The following SLC35F4 variants were observed in gnomAD, a reference collection of about 807,000 sequenced individuals.
SLC35F4 encodes the protein chromosome 14 open reading frame 36.
In SLC35F4, 24 loss-of-function variants were observed where a neutral mutation model predicts 44.2. The ratio of observed to expected loss-of-function variants is 0.54; its 90% confidence interval spans 0.39 to 0.76. The LOEUF is 0.76. SLC35F4 is among the 30% of genes least tolerant of loss of function. The pLI is 0.00. For missense variants in SLC35F4, 562 were observed against 586.1 expected (o/e 0.96, Z 0.42); for synonymous variants, 238 against 223.6 (o/e 1.06, Z -0.57).
chr14:57,776,195 G>C (rs555157304), intron 1 of SLC35F4, among the ~76,000 whole-genome samples: 2 of 152,122 alleles, frequency 1.3e-5, no homozygotes, highest in Non-Finnish European at 2.9e-5. Context: ...AAAGAGATGG[G>C]GTGAATGGAA....
intron 1 of SLC35F4, chr14:57,602,675 T>A (rs2139991888): frequency 6.6e-6 from 1 of 152,320 alleles, no homozygotes; most frequent in Non-Finnish European, 1.5e-5. Context: ...GCAATGCAAC[T>A]AGTGACACTT....
intron 1 of SLC35F4, among the ~76,000 whole-genome samples, chr14:57,659,138 C>T (rs1241400972): frequency 6.6e-6 from 1 of 152,126 alleles, no homozygotes; most frequent in African/African-American, 2.4e-5. Context: ...GGGACTATTC[C>T]CCTGTTTAAT....
intron 1 of SLC35F4, among the ~76,000 whole-genome samples, chr14:57,677,926 A>G (rs940736226): frequency 1.3e-5 from 2 of 152,126 alleles, no homozygotes; most frequent in African/African-American, 4.8e-5. Flanking sequence ...CTAGTAATCA[A>G]ACAGATGCAA....
intron 1 of SLC35F4, among the ~76,000 whole-genome samples, chr14:57,679,970 T>C (rs968846973): frequency 4.6e-5 from 7 of 152,014 alleles, no homozygotes; most frequent in African/African-American, 9.7e-5. Flanking sequence ...TACCATTCCT[T>C]CTGAAACTAT....
chr14:57,762,797 C>T (rs1022670837), intron 1 of SLC35F4, among the ~76,000 whole-genome samples: 2 of 152,130 alleles, frequency 1.3e-5, no homozygotes, highest in South Asian at 4.1e-4. Context: ...CGAGAAAGCC[C>T]TCACCAGATG....
intron 1 of SLC35F4, among the ~76,000 whole-genome samples, chr14:57,967,954 A>G (rs1433156552): frequency 2.0e-5 from 3 of 152,240 alleles, no homozygotes; most frequent in African/African-American, 7.2e-5. Context: ...ATTATTTTGC[A>G]TCTTCATGGC....
At chr14:57,975,733 T>C (rs1395474108), downstream of SLC35F4, among the ~76,000 whole-genome samples, 2 of 152,170 alleles carry the variant, frequency 1.3e-5, no homozygotes, top group Non-Finnish European at 2.9e-5. Context: ...AGCCCTAAAA[T>C]ATTTGAAAAG....
chr14:57,683,251 G>A (rs2074962794), intron 1 of SLC35F4, among the ~76,000 whole-genome samples: 1 of 152,052 alleles, frequency 6.6e-6, no homozygotes, highest in African/African-American at 2.4e-5. Flanking sequence ...CTTTCACAAA[G>A]TCATTTGAAT....
chr14:57,968,013 A>C (rs1010197710), intron 1 of SLC35F4, among the ~76,000 whole-genome samples: 2 of 152,242 alleles, frequency 1.3e-5, no homozygotes, highest in Admixed American at 1.3e-4. Flanking sequence ...AAAGGGCTTT[A>C]ATAAAGCCAA....
intron 1 of SLC35F4, among the ~76,000 whole-genome samples, chr14:57,802,138 C>A (rs1286614984): frequency 1.3e-5 from 2 of 152,120 alleles, no homozygotes; most frequent in Non-Finnish European, 2.9e-5. Context: ...GTCTCTTAGA[C>A]CACAGCACAA....
intron 1 of SLC35F4, among the ~76,000 whole-genome samples, chr14:57,881,882 T>C (rs2141033130): frequency 6.6e-6 from 1 of 152,318 alleles, no homozygotes; most frequent in Admixed American, 6.5e-5. Context: ...TTAGGAGTAA[T>C]TGCTCATCTT....
At position 57,922,196 on chromosome 14, in the gene SLC35F4, G is replaced by A. The variant is rs189781902; in HGVS notation, n.282+59717C>T. On this transcript the variant is annotated intron_variant and non_coding_transcript_variant, in intron 1 of 1. Transcript: ENST00000556568. ...AAAATTTTTTTAATTTTGTTTTCTG[G>A]GTCAGTGATTCTCAAACTTCAGTGG... 5.9e-5 allele frequency among the ~76,000 whole-genome samples: 9 copies of A among 152,206 alleles called. No homozygotes were observed. The East Asian group carries it at 9.7e-4, about 16-fold the overall frequency.
intron 1 of SLC35F4, among the ~76,000 whole-genome samples, chr14:57,707,226 GAC>G (rs1594845319): frequency 6.6e-6 from 1 of 152,184 alleles, no homozygotes; most frequent in African/African-American, 2.4e-5. Context: ...ACAGAATAAA[GAC>G]AGAGCTGCAA....
chr14:57,630,511 A>C, intron 1 of SLC35F4: 1 of 1,095,690 alleles, frequency 9.1e-7, no homozygotes, highest in South Asian at 1.2e-5. Flanking sequence ...CTCACACCAA[A>C]ACTAGAGGCA....
rs117282558 is a variant in SLC35F4 at position 57,724,767 on chromosome 14, C to T, written c.104-130643G>A. 8.7e-3 allele frequency among the ~76,000 whole-genome samples: 1,332 copies of T among 152,236 alleles called. 8 individuals are homozygous for T. The highest frequency in any genetic ancestry group is 0.015 in the Non-Finnish European group (1,043 of 68,004). ...TTCTGCACGATATGCAGGCACCACT[C>T]GGAAGTAGACAGCTGCAGCACTACA... On this transcript the variant is annotated intron_variant, in intron 1 of 7. Transcript: ENST00000556826.
chr14:57,850,864 A>T (rs1215920167), intron 1 of SLC35F4, among the ~76,000 whole-genome samples: 1 of 152,228 alleles, frequency 6.6e-6, no homozygotes, highest in Non-Finnish European at 1.5e-5. Context: ...CAAAGACTGC[A>T]TGGATGGTTT....
chr14:57,790,825 A>C (rs564978262), intron 1 of SLC35F4, among the ~76,000 whole-genome samples: 1 of 152,278 alleles, frequency 6.6e-6, no homozygotes, highest in East Asian at 1.9e-4. Flanking sequence ...CTCAGAAATA[A>C]CACCACAAAT....
intron 1 of SLC35F4, among the ~76,000 whole-genome samples, chr14:57,936,646 A>T (rs1889801613): frequency 6.6e-6 from 1 of 152,190 alleles, no homozygotes; most frequent in Admixed American, 6.5e-5. Flanking sequence ...GCAAAGGACA[A>T]TCCCCTACAA....
At chr14:57,795,773 T>C (rs2078039571) in intron 1 of SLC35F4, among the ~76,000 whole-genome samples, 1 of 152,208 alleles carries the variant, frequency 6.6e-6, no homozygotes, top group Non-Finnish European at 1.5e-5. Context: ...TAAAAATTAA[T>C]AATAGACATC....
Sources: gnomAD v4.1 joint callset for allele counts (sites outside exome capture counted in the v4.1 genomes callset) on GRCh38, gnomAD v4.1.1 for gene constraint, MANE v1.5 for transcripts, NCBI Gene and HGNC (gene_info 2026-07-23, HGNC 2026-07-21) for gene names.